DPYSL2: variants seen among roughly 807,000 people sequenced by gnomAD.
DPYSL2 encodes dihydropyrimidinase like 2, also known as dihydropyrimidinase-related protein 2.
DPYSL2 carries 13 observed loss-of-function variants against 69.9 expected under a neutral mutation model. The ratio of observed to expected loss-of-function variants is 0.19; its 90% CI spans 0.12 to 0.30. The LOEUF (loss-of-function observed/expected upper bound fraction) is 0.30. Among genes scored for constraint, DPYSL2 ranks in the 10% least tolerant of loss-of-function variants. DPYSL2 has a pLI of 1.00. For synonymous variants in DPYSL2, 326 were observed against 359.1 expected (o/e 0.91, Z 1.04); for missense variants, 587 against 918.9 (o/e 0.64, Z 4.67).
chr8:26,525,103 A>T (rs1808455373), intron 1 of DPYSL2, among the ~76,000 whole-genome samples: 1 of 152,152 alleles, frequency 6.6e-6, no homozygotes, highest in African/African-American at 2.4e-5. Context: ...TTACAAATTA[A>T]GTTGATCCAT....
rs1002574133 is a variant in DPYSL2 at position 26,650,621 on chromosome 8, G to A, written c.1597-1636G>A. On this transcript the variant is annotated intron_variant, in intron 11 of 13. Transcript: ENST00000521913. The surrounding 1 kb of genome is among the most constrained non-coding windows in gnomAD (Gnocchi z 5.3). ...ATTTTAAGATATTCCATTAGGTTAT[G>A]TACCACGATGAAAGAAAACATGCCC... Among the ~76,000 whole-genome samples the A allele has an allele frequency of 6.6e-6, 1 of 152,218 alleles. No homozygotes were observed. Among genetic ancestry groups the A allele is most frequent in the Admixed American group, 6.5e-5 (1 of 15,282 alleles).
In DPYSL2 at chr8:26,619,728, T is replaced by A. The variant is rs1375343798; in HGVS notation, c.629-4415T>A. 2.0e-5 allele frequency: 3 copies of A among 152,310 alleles called. No homozygotes were observed. Among genetic ancestry groups the A allele is most frequent in the East Asian group, 1.9e-4 (1 of 5,194 alleles). The allele number at this position is 152,310 out of a possible 1,614,324, so 9.4% of individuals were successfully genotyped here. A position where few individuals can be genotyped will look rare whatever the true frequency, so the allele number is the denominator to read the frequency against. ...TCTGGGAACCTGTGTTTTATTTTTA[T>A]GTTATTTTTTTGAGACAGGGTCTTG... On this transcript the variant is annotated intron_variant, in intron 3 of 13. Coordinates refer to ENST00000521913, the MANE Select transcript of DPYSL2 (RefSeq NM_001197293.3). This position sits in a 1 kb window ranked among gnomAD's most constrained non-coding sequence, Gnocchi z 4.8.
chr8:26,615,834 A>G (rs994377704), intron 3 of DPYSL2, among the ~76,000 whole-genome samples: 5 of 152,220 alleles, frequency 3.3e-5, no homozygotes, highest in African/African-American at 1.2e-4. Flanking sequence ...CTTCTTTAGC[A>G]TTGCGGGAGA....
intron 1 of DPYSL2, among the ~76,000 whole-genome samples, chr8:26,567,948 C>G (rs182110266): frequency 6.6e-4 from 101 of 152,246 alleles, no homozygotes; most frequent in Non-Finnish European, 7.4e-4. Flanking sequence ...TCTGAAGAAA[C>G]AGAGAGAACT....
At chr8:26,636,637 T>A (rs1802922712) in intron 8 of DPYSL2, among the ~76,000 whole-genome samples, 1 of 152,196 alleles carries the variant, frequency 6.6e-6, no homozygotes, top group Non-Finnish European at 1.5e-5. Flanking sequence ...CTCAGGGTTC[T>A]TCTCAGGTGG....
chr8:26,569,377 C>CCAA (rs1554537076), intron 1 of DPYSL2, among the ~76,000 whole-genome samples: 19 of 126,564 alleles, frequency 1.5e-4, no homozygotes, highest in South Asian at 1.4e-3. Flanking sequence ...AAAACAAAAA[C>CCAA]AAAAAAAAAC....
chr8:26,637,026 G>T (rs1281959412), intron 8 of DPYSL2, among the ~76,000 whole-genome samples: 3 of 152,200 alleles, frequency 2.0e-5, no homozygotes, highest in African/African-American at 7.2e-5. Context: ...ACAGGCATGA[G>T]CCACTGCACC....
intron 8 of DPYSL2, 38 bp downstream of exon 8, chr8:26,634,938 G>A (rs1367010556): frequency 6.2e-7 from 1 of 1,611,554 alleles, no homozygotes. Flanking sequence ...GGCAGGTGGG[G>A]AGGTTTGGAG....
chr8:26,567,789 C>T (rs890413035), intron 1 of DPYSL2, among the ~76,000 whole-genome samples: 4 of 152,280 alleles, frequency 2.6e-5, no homozygotes, highest in Non-Finnish European at 5.9e-5. Flanking sequence ...ATGGTGCCCC[C>T]GGTGAGGTAG....
chr8:26,586,876 G>A lies in DPYSL2; in HGVS notation c.628+2893G>A, dbSNP rs553813281. ...CTATAGAGTGGGGCATCCAATGAGC[G>A]AACCTCAAGGAATAAAAGTCATCAG... On this transcript the variant is annotated intron_variant, in intron 3 of 13. Coordinates refer to ENST00000521913, the MANE Select transcript of DPYSL2 (RefSeq NM_001197293.3). The surrounding 1 kb of genome is among the most constrained non-coding windows in gnomAD (Gnocchi z 4.7). Among the ~76,000 whole-genome samples the A allele has an allele frequency of 7.9e-5, 12 of 152,296 alleles. No individual in the cohort carries two copies. The highest frequency in any genetic ancestry group is 3.9e-4 in the Admixed American group (6 of 15,296).
chr8:26,556,504 G>T (rs1429941628), intron 1 of DPYSL2, among the ~76,000 whole-genome samples: 2 of 119,802 alleles, frequency 1.7e-5, no homozygotes, highest in Non-Finnish European at 3.4e-5. Flanking sequence ...TAGGATATAA[G>T]GTTATTATAC....
intron 3 of DPYSL2, among the ~76,000 whole-genome samples, chr8:26,604,962 G>A (rs542813301): frequency 2.0e-5 from 3 of 152,200 alleles, no homozygotes; most frequent in East Asian, 1.9e-4. Context: ...GCCTGGCCAC[G>A]TCTTGCATTT....
intron 7 of DPYSL2, among the ~76,000 whole-genome samples, chr8:26,630,486 C>G (rs531028398): frequency 6.6e-6 from 1 of 152,182 alleles, no homozygotes; most frequent in South Asian, 2.1e-4. Flanking sequence ...ACAGTTCTCA[C>G]GTGAGCCCTG....
rs1394980253 is a variant in DPYSL2, at chr8:26,647,369, C to G, written c.1426-261C>G. 3.3e-5 allele frequency among the ~76,000 whole-genome samples: 5 copies of G among 152,156 alleles called. No individual in the cohort carries two copies. The East Asian group carries it at 9.6e-4, about 29-fold the overall frequency. ...CAGAGACCAACCTCTTGCTGCTCCTCCCCTCCACCCTCCCTAACCCTGGAA... is the reference window on the plus strand; with the variant it reads ...CAGAGACCAACCTCTTGCTGCTCCTGCCCTCCACCCTCCCTAACCCTGGAA... On this transcript the variant is annotated intron_variant, in intron 10 of 13. Transcript: ENST00000521913. This position sits in a 1 kb window ranked among gnomAD's most constrained non-coding sequence, Gnocchi z 5.1.
At chr8:26,572,807 G>A (rs773629369) in intron 1 of DPYSL2, among the ~76,000 whole-genome samples, 28 of 152,274 alleles carry the variant, frequency 1.8e-4, no homozygotes, top group Middle Eastern at 6.8e-3. Flanking sequence ...TCAGGAATGA[G>A]TAAGACTTTT....
intron 3 of DPYSL2, among the ~76,000 whole-genome samples, chr8:26,589,767 G>C (rs1014384839): frequency 4.6e-5 from 7 of 152,240 alleles, no homozygotes; most frequent in Non-Finnish European, 8.8e-5. Flanking sequence ...AAGAGGGTGG[G>C]AACAGCAGCT....
chr8:26,599,039 G>C (rs527875538), intron 3 of DPYSL2, among the ~76,000 whole-genome samples: 2 of 152,254 alleles, frequency 1.3e-5, no homozygotes, highest in African/African-American at 4.8e-5. Context: ...GAGAAGGCCT[G>C]TTGTCCATCT....
rs1260217156 is a variant in DPYSL2 at position 26,644,254 on chromosome 8, C to T, written c.1425+163C>T. Among the ~76,000 whole-genome samples the T allele has an allele frequency of 1.3e-5, 2 of 152,150 alleles. No individual in the cohort carries two copies. Among genetic ancestry groups the T allele is most frequent in the East Asian group, 3.9e-4 (2 of 5,190 alleles). The stretch of plus-strand genomic sequence containing the variant: ...TTTCTGAGGGTTGGAAATCTAAGAC[C>T]TCTTCTAATAGGTCATTTCTTCCTA... On this transcript the variant is annotated intron_variant, in intron 10 of 13. Transcript: ENST00000521913. The surrounding 1 kb of genome is among the most constrained non-coding windows in gnomAD (Gnocchi z 4.5).
chr8:26,577,502 C>T (rs1801379249), intron 1 of DPYSL2: 1 of 148,872 alleles, frequency 6.7e-6, no homozygotes, highest in Non-Finnish European at 1.5e-5. Flanking sequence ...CCACGCGGGG[C>T]TGCCGCGGCG....
Sources: gnomAD v4.1 joint callset for allele counts (sites outside exome capture counted in the v4.1 genomes callset) on GRCh38, gnomAD v4.1.1 for gene constraint, Gnocchi (gnomAD v3.1) non-coding constraint, MANE v1.5 for transcripts, NCBI Gene and HGNC (gene_info 2026-07-23, HGNC 2026-07-21) for gene names.